ZC3H15: variants seen among roughly 807,000 people sequenced by gnomAD.
The protein encoded by ZC3H15 is zinc finger CCCH-type containing 15.
A neutral mutation model predicts 51.2 loss-of-function variants in ZC3H15; 15 were observed. The ratio of observed to expected loss-of-function variants is 0.29; its 90% CI spans 0.20 to 0.45. The LOEUF (loss-of-function observed/expected upper bound fraction) is 0.45. Among genes scored for constraint, ZC3H15 ranks in the 20% least tolerant of loss-of-function variants. The pLI is 1.00. For missense variants in ZC3H15, 381 were observed against 494.7 expected, an observed-to-expected ratio of 0.77 and a Z score of 2.18; for synonymous variants, 144 against 162.8, an observed-to-expected ratio of 0.88 and a Z score of 0.88.
At chr2:186,502,431 A>G in intron 4 of ZC3H15, 65 bp from the exon 5 acceptor site, 1 of 1,349,114 alleles carries the variant, frequency 7.4e-7, no homozygotes. Context: ...TTAGTGTCTA[A>G]GGAGATATGT....
chr2:186,507,817 T>C (rs959802045), intron 9 of ZC3H15, among the ~76,000 whole-genome samples: 4 of 152,218 alleles, frequency 2.6e-5, no homozygotes, highest in Admixed American at 1.3e-4. Flanking sequence ...AGTATTCAGA[T>C]TGACTTGCTC....
chr2:186,505,346 C>G (rs375154735), intron 6 of ZC3H15, 105 bp from the exon 7 acceptor site: 3 of 1,332,876 alleles, frequency 2.3e-6, no homozygotes, highest in East Asian at 2.5e-5. Context: ...GTAATATCTT[C>G]AGGATAGTCA....
chr2:186,501,449 T>G (rs753981569), intron 4 of ZC3H15, 24 bp downstream of exon 4: 1 of 1,594,132 alleles, frequency 6.3e-7, no homozygotes, highest in Non-Finnish European at 8.5e-7. Flanking sequence ...AAACACTCTC[T>G]TAAAAATAAA....
chr2:186,500,875 A>G (rs982275125), intron 3 of ZC3H15, among the ~76,000 whole-genome samples: 1 of 152,060 alleles, frequency 6.6e-6, no homozygotes, highest in African/African-American at 2.4e-5. Flanking sequence ...GGATTTCATC[A>G]TGTTGGCCAG....
intron 8 of ZC3H15, 123 bp downstream of exon 8, chr2:186,505,964 A>C: frequency 1.0e-6 from 1 of 953,394 alleles, no homozygotes; most frequent in Non-Finnish European, 1.7e-6. Context: ...TCCTTACTCC[A>C]ACCATGGGAA....
chr2:186,504,177 A>T lies in ZC3H15; in HGVS notation c.680A>T (p.Glu227Val), dbSNP rs1229684113. ...LKKDKKKEEK[E>V]DEISLEDLIE... ...AAAGATAAAAAGAAAGAAGAGAAAGAAGATGAAATTTCATTAGAAGATCTA... is the reference window on the plus strand; with the variant it reads ...AAAGATAAAAAGAAAGAAGAGAAAGTAGATGAAATTTCATTAGAAGATCTA... Residue 227 changes from glutamate to valine, a missense_variant, in exon 6 of 10, where the codon GAA becomes GTA. Transcript: ENST00000337859. 6.2e-7 allele frequency: 1 copy of T among 1,603,474 alleles called. No homozygotes were observed.
intron 4 of ZC3H15, among the ~76,000 whole-genome samples, chr2:186,501,715 TC>T (rs1260402629): frequency 1.4e-5 from 2 of 138,412 alleles, no homozygotes; most frequent in African/African-American, 5.3e-5. Flanking sequence ...TGAATAATTT[TC>T]TTTTTTTTTT....
At chr2:186,504,298 C>A in intron 6 of ZC3H15, 84 bp downstream of exon 6, 1 of 1,193,338 alleles carries the variant, frequency 8.4e-7, no homozygotes, top group South Asian at 2.4e-5. Context: ...GGGCAATAGC[C>A]TTTTATGAAA....
At chr2:186,487,820 T>C (rs1215317642) in intron 1 of ZC3H15, among the ~76,000 whole-genome samples, 1 of 152,254 alleles carries the variant, frequency 6.6e-6, no homozygotes, top group Non-Finnish European at 1.5e-5. Flanking sequence ...TGTAATAATT[T>C]AGACAATTTA....
intron 1 of ZC3H15, among the ~76,000 whole-genome samples, chr2:186,487,864 T>C (rs2105583517): frequency 6.6e-6 from 1 of 152,340 alleles, no homozygotes; most frequent in East Asian, 1.9e-4. Flanking sequence ...GCTTTCTCTA[T>C]ATCTAATTGT....
rs568366805 is a variant in ZC3H15, at chr2:186,495,517, A to G, written c.177+183A>G. 6.6e-5 allele frequency among the ~76,000 whole-genome samples: 10 copies of G among 152,330 alleles called. No individual in the cohort carries two copies. In the East Asian group the frequency reaches 9.6e-4, roughly 15 times the overall value. ...TGGATATTGTCCAAGCCATTTTGAT[A>G]TAACTCTCATTTATTCTAATAATGA... On this transcript the variant is annotated intron_variant, in intron 2 of 9. Coordinates refer to ENST00000337859, the MANE Select transcript of ZC3H15 (RefSeq NM_018471.3).
Sources: gnomAD v4.1 joint callset for allele counts (sites outside exome capture counted in the v4.1 genomes callset) on GRCh38, gnomAD v4.1.1 for gene constraint, MANE v1.5 for transcripts, NCBI Gene and HGNC (gene_info 2026-07-23, HGNC 2026-07-21) for gene names.